Variants in FDCSP observed in about 807,000 individuals in gnomAD.
FDCSP encodes follicular dendritic cell secreted protein.
FDCSP carries 8 observed loss-of-function variants against 8.9 expected under a neutral mutation model. That is an observed-to-expected ratio of 0.90 (90% CI 0.53 to 1.63). The LOEUF (loss-of-function observed/expected upper bound fraction) is 1.63, where lower values mean the gene tolerates loss of function less well. FDCSP is among the 40% of genes most tolerant of loss of function. The pLI is 0.00. For missense variants in FDCSP, 101 were observed against 103.6 expected (o/e 0.98, Z 0.11); for synonymous variants, 34 against 34.5 (o/e 0.98, Z 0.06).
intron 1 of FDCSP, among the ~76,000 whole-genome samples, chr4:70,227,423 AT>A (rs1730006084): frequency 6.6e-6 from 1 of 151,720 alleles, no homozygotes; most frequent in South Asian, 2.1e-4. Flanking sequence ...ACTTTGCTAC[AT>A]TTTTTACACT....
intron 4 of FDCSP, among the ~76,000 whole-genome samples, chr4:70,234,463 T>C (rs530882475): frequency 7.2e-5 from 11 of 151,818 alleles, no homozygotes; most frequent in Admixed American, 4.0e-4. Flanking sequence ...ACAATTTCAA[T>C]TTTATTAAAA....
At chr4:70,231,096 T>C in intron 1 of FDCSP, 99 bp from the exon 2 acceptor site, 1 of 921,900 alleles carries the variant, frequency 1.1e-6, no homozygotes, top group Non-Finnish European at 1.6e-6. Context: ...ATTCGTACTT[T>C]AACTGGATCT....
At position 70,232,993 on chromosome 4, in the gene FDCSP, G is replaced by A. The variant is rs201085842; in HGVS notation, c.58-1G>A. The A allele has an allele frequency of 6.3e-7, 1 of 1,591,646 alleles. No homozygotes were observed. Among genetic ancestry groups the A allele is most frequent in the South Asian group, 1.2e-5 (1 of 86,434 alleles). On this transcript the variant is annotated splice_acceptor_variant, in intron 2 of 4. Coordinates refer to ENST00000317987, the MANE Select transcript of FDCSP (RefSeq NM_152997.4). LOFTEE classifies it high-confidence loss of function. ...AATTAATTTCACTATTTGATCTTTA[G>A]GTCTCTCAAGACCAGGAACGAGAAA...
chr4:70,228,649 A>T (rs1294452050), intron 1 of FDCSP, among the ~76,000 whole-genome samples: 2 of 151,874 alleles, frequency 1.3e-5, no homozygotes, highest in East Asian at 1.9e-4. Context: ...ATGAAACCTG[A>T]AAGTCAAATT....
chr4:70,229,490 T>G (rs2109684163), intron 1 of FDCSP, among the ~76,000 whole-genome samples: 1 of 151,936 alleles, frequency 6.6e-6, no homozygotes, highest in East Asian at 1.9e-4. Flanking sequence ...GATCCTAGCT[T>G]TCAGCTTATC....
chr4:70,229,425 A>G (rs1331037741), intron 1 of FDCSP, among the ~76,000 whole-genome samples: 1 of 151,786 alleles, frequency 6.6e-6, no homozygotes, highest in African/African-American at 2.4e-5. Context: ...AGCACTTTTA[A>G]TTCCCTTCAA....
At chr4:70,228,863 A>G (rs1730032924) in intron 1 of FDCSP, among the ~76,000 whole-genome samples, 1 of 151,836 alleles carries the variant, frequency 6.6e-6, no homozygotes, top group South Asian at 2.1e-4. Context: ...ACTGCCATCC[A>G]GGCTTTGTTG....
chr4:70,231,054 T>C (rs887296207), intron 1 of FDCSP, 141 bp from the exon 2 acceptor site: 15 of 600,366 alleles, frequency 2.5e-5, no homozygotes, highest in South Asian at 1.0e-4. Context: ...TGTAAGTGAC[T>C]TGCTCAAACT....
At chr4:70,234,724 T>C (rs1001809469) in intron 4 of FDCSP, among the ~76,000 whole-genome samples, 3 of 151,422 alleles carry the variant, frequency 2.0e-5, no homozygotes, top group Admixed American at 1.3e-4. Flanking sequence ...CCCCTGTCAT[T>C]TCATCACATC....
intron 1 of FDCSP, among the ~76,000 whole-genome samples, chr4:70,227,515 C>G (rs1730007468): frequency 6.6e-6 from 1 of 151,460 alleles, no homozygotes; most frequent in South Asian, 2.1e-4. Context: ...CTCAAAGGTA[C>G]TTCAAAATGA....
intron 1 of FDCSP, among the ~76,000 whole-genome samples, chr4:70,226,488 A>G (rs1421982136): frequency 6.6e-6 from 1 of 151,806 alleles, no homozygotes; most frequent in East Asian, 1.9e-4. Flanking sequence ...GTGAAACAAC[A>G]GAGCCTCAGG....
chr4:70,230,497 G>A (rs924559370), intron 1 of FDCSP, among the ~76,000 whole-genome samples: 2 of 151,576 alleles, frequency 1.3e-5, no homozygotes, highest in African/African-American at 2.4e-5. Context: ...AATATGATAA[G>A]GAATCTACAG....
chr4:70,233,683 C>T (rs1036589050), intron 3 of FDCSP, among the ~76,000 whole-genome samples: 1 of 151,560 alleles, frequency 6.6e-6, no homozygotes, highest in African/African-American at 2.4e-5. Context: ...TTGTTTCCTA[C>T]ATGTGGTTTG....
chr4:70,230,864 TTTTTA>T, intron 1 of FDCSP, among the ~76,000 whole-genome samples: 1 of 151,896 alleles, frequency 6.6e-6, no homozygotes, highest in Non-Finnish European at 1.5e-5. Context: ...ATTCTTTTAT[TTTTTA>T]TTTTAAGTTC....
At chr4:70,230,479 G>T (rs1284941876) in intron 1 of FDCSP, among the ~76,000 whole-genome samples, 1 of 151,612 alleles carries the variant, frequency 6.6e-6, no homozygotes, top group Non-Finnish European at 1.5e-5. Context: ...CATTTTAACA[G>T]TGTGTGTAAT....
At chr4:70,230,292 A>G (rs1180572273) in intron 1 of FDCSP, among the ~76,000 whole-genome samples, 1 of 151,736 alleles carries the variant, frequency 6.6e-6, no homozygotes, top group African/African-American at 2.4e-5. Context: ...TCCAATATGG[A>G]AGATTTCCCA....
chr4:70,233,390 T>C (rs1730120792), intron 3 of FDCSP, among the ~76,000 whole-genome samples: 1 of 151,722 alleles, frequency 6.6e-6, no homozygotes. Flanking sequence ...CATTAAGAGA[T>C]GTGGGCCAGC....
At chr4:70,231,167 CTTA>C in intron 1 of FDCSP, 25 bp from the exon 2 acceptor site, 1 of 1,564,826 alleles carries the variant, frequency 6.4e-7, no homozygotes, top group Non-Finnish European at 8.7e-7. Context: ...GAAAGTTCTT[CTTA>C]TTTTTTATTT....
intron 2 of FDCSP, among the ~76,000 whole-genome samples, chr4:70,232,411 A>G (rs1324053642): frequency 1.3e-5 from 2 of 151,660 alleles, no homozygotes; most frequent in Non-Finnish European, 3.0e-5. Context: ...AACTGCTTAC[A>G]GTATTCAGGA....
Sources: allele counts gnomAD v4.1 joint callset (sites outside exome capture counted in the v4.1 genomes callset), GRCh38; gene constraint gnomAD v4.1.1; transcripts MANE v1.5; gene names NCBI Gene and HGNC (gene_info 2026-07-23, HGNC 2026-07-21).